The following EFNA5 variants were observed in gnomAD, a reference collection of about 807,000 sequenced individuals.
EFNA5 encodes the protein ephrin A5.
Under a neutral mutation model 22.9 loss-of-function variants are expected in EFNA5, and 5 were observed. The ratio of observed to expected loss-of-function variants is 0.22; its 90% CI spans 0.11 to 0.46. The LOEUF is 0.46. EFNA5 is among the 20% of genes least tolerant of loss of function. EFNA5 has a pLI of 0.99. For synonymous variants in EFNA5, 113 were observed against 112.2 expected (o/e 1.01, Z -0.04); for missense variants, 237 against 293.3 (o/e 0.81, Z 1.40).
intron 1 of EFNA5, among the ~76,000 whole-genome samples, chr5:107,648,380 A>G (rs1233123693): frequency 6.6e-6 from 1 of 152,216 alleles, no homozygotes; most frequent in Non-Finnish European, 1.5e-5. Context: ...GAATTAAAAT[A>G]CTATATACAA....
At chr5:107,381,493 T>G in intron 4 of EFNA5, 117 bp from the exon 5 acceptor site, 2 of 1,182,892 alleles carry the variant, frequency 1.7e-6, no homozygotes, top group Admixed American at 2.9e-5. Flanking sequence ...ATGAACCTTG[T>G]GCCACCATTG....
chr5:107,529,751 G>C (rs1338474065), intron 1 of EFNA5, among the ~76,000 whole-genome samples: 5 of 151,868 alleles, frequency 3.3e-5, no homozygotes, highest in South Asian at 2.1e-4. Flanking sequence ...CCTCATTCTT[G>C]CTTCCCTGGA....
At chr5:107,614,888 C>CA (rs1260269519) in intron 1 of EFNA5, among the ~76,000 whole-genome samples, 1 of 151,876 alleles carries the variant, frequency 6.6e-6, no homozygotes, top group African/African-American at 2.4e-5. Context: ...TAAAGTGATA[C>CA]AAAAAAATAT....
intron 1 of EFNA5, among the ~76,000 whole-genome samples, chr5:107,479,040 T>A (rs1750384804): frequency 6.6e-6 from 1 of 152,186 alleles, no homozygotes; most frequent in South Asian, 2.1e-4. Context: ...GATTAAAAAA[T>A]AATCTGTAAA....
intron 1 of EFNA5, among the ~76,000 whole-genome samples, chr5:107,606,307 T>C (rs1580556598): frequency 1.3e-5 from 2 of 152,198 alleles, no homozygotes; most frequent in East Asian, 3.8e-4. Context: ...CATAAGGCTT[T>C]AATGCAGAGT....
rs538392952 is a variant in EFNA5, at chr5:107,586,156, T to G, written c.125+84333A>C. 2.6e-5 allele frequency among the ~76,000 whole-genome samples: 4 copies of G among 152,332 alleles called. No homozygotes were observed. In the East Asian group the frequency reaches 7.7e-4, roughly 29 times the overall value. ...AACTCATGGGATTGCTCGAATTCAG[T>G]TATTTTTGTTGTATTCAATCATGCT... On this transcript the variant is annotated intron_variant, in intron 1 of 4. Transcript: ENST00000333274.
intron 1 of EFNA5, among the ~76,000 whole-genome samples, chr5:107,478,172 T>A (rs1750361596): frequency 6.6e-6 from 1 of 152,210 alleles, no homozygotes; most frequent in African/African-American, 2.4e-5. Flanking sequence ...GGAAGCTCCC[T>A]GCTTCTCCTC....
chr5:107,456,385 T>C (rs1240349013), intron 1 of EFNA5, among the ~76,000 whole-genome samples: 3 of 152,146 alleles, frequency 2.0e-5, no homozygotes, highest in African/African-American at 7.2e-5. Context: ...GATCAGCTCT[T>C]GAAGAAGCCA....
At chr5:107,448,755 G>A (rs1749463536) in intron 1 of EFNA5, among the ~76,000 whole-genome samples, 1 of 151,498 alleles carries the variant, frequency 6.6e-6, no homozygotes, top group Non-Finnish European at 1.5e-5. Flanking sequence ...GCTTGAACCC[G>A]GGAGATGGAG....
intron 1 of EFNA5, among the ~76,000 whole-genome samples, chr5:107,462,689 G>T (rs1749865662): frequency 1.3e-5 from 2 of 152,172 alleles, no homozygotes; most frequent in East Asian, 3.9e-4. Flanking sequence ...GCTGCACCCT[G>T]CTATGTGGGA....
At chr5:107,453,722 T>A (rs1225884970) in intron 1 of EFNA5, among the ~76,000 whole-genome samples, 1 of 152,040 alleles carries the variant, frequency 6.6e-6, no homozygotes, top group African/African-American at 2.4e-5. Flanking sequence ...ATGCCAGAGA[T>A]GAAAGGAAGA....
intron 1 of EFNA5, among the ~76,000 whole-genome samples, chr5:107,525,443 G>A (rs1747675266): frequency 6.6e-6 from 1 of 152,108 alleles, no homozygotes; most frequent in Non-Finnish European, 1.5e-5. Flanking sequence ...CCTCCATGCA[G>A]TTGAAAATCC....
At chr5:107,437,131 ATAAT>A (rs1408535174) in intron 1 of EFNA5, among the ~76,000 whole-genome samples, 2 of 152,196 alleles carry the variant, frequency 1.3e-5, no homozygotes, top group African/African-American at 2.4e-5. Flanking sequence ...GAGATATCTG[ATAAT>A]TAATCTGTTA....
intron 1 of EFNA5, among the ~76,000 whole-genome samples, chr5:107,503,044 A>C (rs760321258): frequency 6.6e-6 from 1 of 152,180 alleles, no homozygotes; most frequent in Non-Finnish European, 1.5e-5. Context: ...TGGGTGGTGG[A>C]TAATGGAAGC....
intron 2 of EFNA5, among the ~76,000 whole-genome samples, chr5:107,416,785 T>C (rs1383885259): frequency 1.3e-5 from 2 of 152,138 alleles, no homozygotes; most frequent in African/African-American, 4.8e-5. Flanking sequence ...AGTAAAAAAT[T>C]TGCCTGTTCA....
chr5:107,603,450 A>C (rs1749647467), intron 1 of EFNA5, among the ~76,000 whole-genome samples: 1 of 152,232 alleles, frequency 6.6e-6, no homozygotes, highest in African/African-American at 2.4e-5. Context: ...AACTGAGATT[A>C]GTAGGCCATA....
At chr5:107,482,509 C>T (rs1274230221) in intron 1 of EFNA5, among the ~76,000 whole-genome samples, 1 of 152,112 alleles carries the variant, frequency 6.6e-6, no homozygotes, top group Non-Finnish European at 1.5e-5. Context: ...CTCACCTATT[C>T]TCAGATAAGA....
intron 2 of EFNA5, among the ~76,000 whole-genome samples, chr5:107,418,684 T>C (rs77172695): frequency 0.09 from 13,667 of 152,244 alleles, 650 homozygotes; most frequent in Non-Finnish European, 0.11. Flanking sequence ...ATTCAGACAA[T>C]GGGAAGGGTA....
intron 4 of EFNA5, among the ~76,000 whole-genome samples, chr5:107,383,162 G>T (rs1472290881): frequency 6.6e-6 from 1 of 152,094 alleles, no homozygotes; most frequent in Non-Finnish European, 1.5e-5. Flanking sequence ...TACCATTTTA[G>T]CCTCCCCTCG....
Sources: gnomAD v4.1 joint callset for allele counts (sites outside exome capture counted in the v4.1 genomes callset) on GRCh38, gnomAD v4.1.1 for gene constraint, MANE v1.5 for transcripts, NCBI Gene and HGNC (gene_info 2026-07-23, HGNC 2026-07-21) for gene names.